The following ADAMTS13 variants were observed in gnomAD, a reference collection of about 807,000 sequenced individuals.
ADAMTS13 encodes A disintegrin and metalloproteinase with thrombospondin motifs 13.
In ADAMTS13, 110 loss-of-function variants were observed where a neutral mutation model predicts 155.1. The ratio of observed to expected loss-of-function variants is 0.71; its 90% CI spans 0.61 to 0.83. ADAMTS13 has a LOEUF of 0.83. ADAMTS13 is among the 40% of genes least tolerant of loss of function. The pLI is 0.00. For missense variants in ADAMTS13, 1,707 were observed against 1,891.7 expected (o/e 0.90, Z 1.81); for synonymous variants, 758 against 756.4 (o/e 1.00, Z -0.03).
Position 133,458,064 on chromosome 9 carries a change from G to A in ADAMTS13, c.3879G>A (p.Gly1293=). 1 of 1,613,416 alleles carries A rather than the reference G, an allele frequency of 6.2e-7. No individual in the cohort carries two copies. Among genetic ancestry groups the A allele is most frequent in the Non-Finnish European group, 8.5e-7 (1 of 1,180,032 alleles). ...CCCTGGCCACCAACATGGGCGCTGG[G>A]ACCGAGGGAGCCAATGCCAGCTACA... The part of the protein sequence containing the change: ...IHALATNMGA[G]TEGANASYIL... The change falls in exon 28 of 29, where the codon GGG becomes GGA. Residue 1293 remains glycine, a synonymous_variant. Transcript: ENST00000355699.
chr9:133,459,310 T>A lies in ADAMTS13; in HGVS notation c.*130T>A. On this transcript the variant is annotated 3_prime_UTR_variant, in exon 29 of 29. Transcript: ENST00000355699. ...GAGTCTTCTCCAATGTCCAAAAGGC[T>A]AGGGGGTTGGAGGTGGGGACTCTGG... 1.0e-6 allele frequency: 1 copy of A among 984,914 alleles called. No homozygotes were observed. The allele number at this position is 984,914 out of a possible 1,614,324, so 61.0% of individuals were successfully genotyped here. A position where few individuals can be genotyped will look rare whatever the true frequency, so the allele number is the denominator to read the frequency against.
chr9:133,424,546 G>C lies in ADAMTS13; in HGVS notation c.330+68G>C. ...GCTGGTGACCAATGTCTGTGGGCTG[G>C]TGTATCTGGTAGTCTGAATACAGTG... On this transcript the variant is annotated intron_variant, in intron 3 of 28. Transcript: ENST00000355699. This position sits in a 1 kb window ranked among gnomAD's most constrained non-coding sequence, Gnocchi z 4.3. 6.4e-7 allele frequency: 1 copy of C among 1,562,252 alleles called. No homozygotes were observed. Among genetic ancestry groups the C allele is most frequent in the Non-Finnish European group, 8.7e-7 (1 of 1,153,098 alleles).
Position 133,425,616 on chromosome 9 carries a change from G to A in ADAMTS13, c.414+4G>A. 6 of 1,613,220 alleles carry A rather than the reference G, an allele frequency of 3.7e-6. No individual in the cohort carries two copies. The highest frequency in any genetic ancestry group is 5.1e-6 in the Non-Finnish European group (6 of 1,179,840). Reference sequence around the variant, plus strand: ...GGTCATTCTGACAGAGCCTGAGGTAGGCATGGAGCTGGAACTCAGCACACC... The same window carrying A: ...GGTCATTCTGACAGAGCCTGAGGTAAGCATGGAGCTGGAACTCAGCACACC... On this transcript the variant is annotated splice_donor_region_variant and intron_variant, in intron 4 of 28. Transcript: ENST00000355699. This position sits in a 1 kb window ranked among gnomAD's most constrained non-coding sequence, Gnocchi z 4.6.
intron 6 of ADAMTS13, 97 bp downstream of exon 6, chr9:133,426,442 G>A: frequency 6.6e-7 from 1 of 1,515,208 alleles, no homozygotes; most frequent in Admixed American, 1.8e-5. Flanking sequence ...TCCTTGTAGA[G>A]TTTCTCCAGA....
Position 133,429,968 on chromosome 9 carries a change from C to T in ADAMTS13, c.854C>T (p.Pro285Leu). The T allele has an allele frequency of 6.5e-7, 1 of 1,541,226 alleles. No individual in the cohort carries two copies. The highest frequency in any genetic ancestry group is 8.7e-7 in the Non-Finnish European group (1 of 1,147,998). ...SAGRARCVWD[P>L]PRPQPGSAGH... is the part of the protein sequence containing the mutation. ...GGACGGGCGCGCTGCGTGTGGGACC[C>T]GCCGCGGCCTCAACCCGGGTCCGCG... Residue 285 changes from proline (P) to leucine (L), a missense_variant, in exon 8 of 29, where the codon CCG becomes CTG. Around this residue, in one of 3 missense-constraint regions of ADAMTS13, gnomAD observed 733 missense variants for 749.6 expected, o/e 0.98. Transcript: ENST00000355699.
Position 133,440,195 on chromosome 9 carries a change from A to G in ADAMTS13, c.1787-149A>G, listed in dbSNP as rs1841557718. On this transcript the variant is annotated intron_variant, in intron 15 of 28. Coordinates refer to ENST00000355699, the MANE Select transcript of ADAMTS13 (RefSeq NM_139027.6). This position sits in a 1 kb window ranked among gnomAD's most constrained non-coding sequence, Gnocchi z 4.3. ...CACCAGGTTGTGGAAAGAGGCCTAG[A>G]GCCTCCGCTGTGGGGAAGCCTCTAG... is the stretch of plus-strand genomic sequence containing the variant. The G allele has an allele frequency of 4.3e-6, 4 of 936,862 alleles. No individual in the cohort carries two copies. Among genetic ancestry groups the G allele is most frequent in the African/African-American group, 1.6e-5 (1 of 61,486 alleles). The allele number at this position is 936,862 out of a possible 1,614,324, so 58.0% of individuals were successfully genotyped here.
In ADAMTS13 at chr9:133,456,474, A is replaced by G; in HGVS notation, c.3548-69A>G. The stretch of plus-strand genomic sequence containing the variant: ...GTGGGACTTGAACTCGGCTCAGTCT[A>G]CCCTGGAGCCACTCCTCTGCTGACC... On this transcript the variant is annotated intron_variant, in intron 26 of 28. Coordinates refer to ENST00000355699, the MANE Select transcript of ADAMTS13 (RefSeq NM_139027.6). This position sits in a 1 kb window ranked among gnomAD's most constrained non-coding sequence, Gnocchi z 4.4. The G allele has an allele frequency of 6.4e-7, 1 of 1,573,958 alleles. No individual in the cohort carries two copies. Among genetic ancestry groups the G allele is most frequent in the Non-Finnish European group, 8.6e-7 (1 of 1,156,280 alleles).
Position 133,456,391 on chromosome 9 carries a change from A to G in ADAMTS13, c.3548-152A>G. The stretch of plus-strand genomic sequence containing the variant: ...TTTTACAGATGAGGAAACTGAGGCT[A>G]GGAGAGATTAAGTGATGTGCCCAGT... On this transcript the variant is annotated intron_variant, in intron 26 of 28. Transcript: ENST00000355699. The surrounding 1 kb of genome is among the most constrained non-coding windows in gnomAD (Gnocchi z 4.4). 1 of 1,363,818 alleles carries G rather than the reference A, an allele frequency of 7.3e-7. No individual in the cohort carries two copies. Among genetic ancestry groups the G allele is most frequent in the Non-Finnish European group, 1.0e-6 (1 of 990,016 alleles). 84.5% of individuals were successfully genotyped at this position (1,363,818 alleles called of 1,614,324 possible). A position where few individuals can be genotyped will look rare whatever the true frequency, so the allele number is the denominator to read the frequency against.
At position 133,428,649 on chromosome 9, in the gene ADAMTS13, C is replaced by T. The variant is rs281875304; in HGVS notation, c.702C>T (p.His234=). ...HEIGHSFGLE[H]DGAPGSGCGP... is the part of the protein sequence containing the mutation. ...CCCCGACCAGCTTCGGCCTGGAGCA[C>T]GACGGCGCGCCCGGCAGCGGCTGCG... Residue 234 remains histidine, a synonymous_variant, in exon 7 of 29, where the codon CAC becomes CAT. Transcript: ENST00000355699. The T allele has an allele frequency of 1.5e-6, 2 of 1,351,224 alleles. No individual in the cohort carries two copies. Among genetic ancestry groups the T allele is most frequent in the South Asian group, 1.7e-5 (1 of 58,696 alleles). The allele number at this position is 1,351,224 out of a possible 1,614,324, so 83.7% of individuals were successfully genotyped here. A position where few individuals can be genotyped will look rare whatever the true frequency, so the allele number is the denominator to read the frequency against.
chr9:133,419,162 C>T (rs1270903618), upstream of ADAMTS13, among the ~76,000 whole-genome samples: 3 of 152,010 alleles, frequency 2.0e-5, no homozygotes, highest in African/African-American at 7.3e-5. Context: ...ATTTGATGTG[C>T]GTGTGTAACA....
At chr9:133,438,905 T>A (rs1228623611) in intron 14 of ADAMTS13, among the ~76,000 whole-genome samples, 1 of 120,554 alleles carries the variant, frequency 8.3e-6, no homozygotes, top group Non-Finnish European at 1.7e-5. Context: ...AGTGAGACAC[T>A]GTCTCAAAAA....
chr9:133,446,959 G>A (rs1842104068), intron 21 of ADAMTS13, among the ~76,000 whole-genome samples: 1 of 152,198 alleles, frequency 6.6e-6, no homozygotes, highest in African/African-American at 2.4e-5. Context: ...CGGGGCTCAA[G>A]TGATTCTCGT....
At chr9:133,454,807 TAGGACTTA>T (rs1437804456) in intron 24 of ADAMTS13, among the ~76,000 whole-genome samples, 188 bp downstream of exon 24, 1 of 152,148 alleles carries the variant, frequency 6.6e-6, no homozygotes, top group Non-Finnish European at 1.5e-5. Flanking sequence ...TGCGGGCAGC[TAGGACTTA>T]AGAGGCCCTT....
At chr9:133,434,989 T>G (rs1841068527) in intron 11 of ADAMTS13, among the ~76,000 whole-genome samples, 1 of 152,136 alleles carries the variant, frequency 6.6e-6, no homozygotes. Context: ...TGAATCATAT[T>G]CCACTGCAGG....
Position 133,424,409 on chromosome 9 carries a change from C to G in ADAMTS13, c.261C>G (p.Ala87=). 1 of 1,613,750 alleles carries G rather than the reference C, an allele frequency of 6.2e-7. No homozygotes were observed. Among genetic ancestry groups the G allele is most frequent in the Non-Finnish European group, 8.5e-7 (1 of 1,180,004 alleles). The part of the protein sequence containing the change: ...GGILHLELLV[A]VGPDVFQAHQ... Reference sequence around the variant, plus strand: ...TCCTACACCTGGAGCTGCTGGTGGCCGTGGGCCCCGATGTCTTCCAGGCTC... The same window carrying G: ...TCCTACACCTGGAGCTGCTGGTGGCGGTGGGCCCCGATGTCTTCCAGGCTC... The change falls in exon 3 of 29, where the codon GCC becomes GCG. Residue 87 remains alanine, a synonymous_variant. Coordinates refer to ENST00000355699, the MANE Select transcript of ADAMTS13 (RefSeq NM_139027.6). This position sits in a 1 kb window ranked among gnomAD's most constrained non-coding sequence, Gnocchi z 4.3.
chr9:133,449,372 G>A (rs899219761), intron 22 of ADAMTS13, among the ~76,000 whole-genome samples: 12 of 151,756 alleles, frequency 7.9e-5, no homozygotes, highest in African/African-American at 2.4e-4. Context: ...TAGGACAGGC[G>A]GGGAATGCAG....
At chr9:133,437,073 C>G (rs1372040186) in intron 12 of ADAMTS13, 118 bp downstream of exon 12, 1 of 1,338,000 alleles carries the variant, frequency 7.5e-7, no homozygotes, top group Non-Finnish European at 1.0e-6. Context: ...GTGGTTCAGG[C>G]TCTGGCATCC....
At chr9:133,429,678 G>A in intron 7 of ADAMTS13, 1 of 665,244 alleles carries the variant, frequency 1.5e-6, no homozygotes, top group Non-Finnish European at 2.8e-6. Context: ...GGCCTAACCT[G>A]CATCTGCTCC....
At position 133,440,645 on chromosome 9, in the gene ADAMTS13, AC is replaced by A. The variant is rs1841604772; in HGVS notation, c.1968+121del. Reference sequence around the variant, plus strand: ...TCATTTATTCATTCAGCGGTCACTTACAGGGGACCCACTATGTGTTGGGCCC... The same window carrying A: ...TCATTTATTCATTCAGCGGTCACTTAAGGGGACCCACTATGTGTTGGGCCC... On this transcript the variant is annotated intron_variant, in intron 16 of 28. Coordinates refer to ENST00000355699, the MANE Select transcript of ADAMTS13 (RefSeq NM_139027.6). The surrounding 1 kb of genome is among the most constrained non-coding windows in gnomAD (Gnocchi z 4.3). The A allele has an allele frequency of 1.6e-6, 2 of 1,235,296 alleles. No homozygotes were observed. Among genetic ancestry groups the A allele is most frequent in the Admixed American group, 5.0e-5 (2 of 40,364 alleles). 76.5% of individuals were successfully genotyped at this position (1,235,296 alleles called of 1,614,324 possible).
Sources: allele counts gnomAD v4.1 joint callset (sites outside exome capture counted in the v4.1 genomes callset), GRCh38; gene constraint gnomAD v4.1.1; regional missense constraint gnomAD v4.1.1; non-coding constraint Gnocchi (gnomAD v3.1); transcripts MANE v1.5; gene names NCBI Gene and HGNC (gene_info 2026-07-23, HGNC 2026-07-21).